Variants in CCDC171 observed in about 807,000 individuals in gnomAD.
CCDC171 encodes the protein coiled-coil domain containing 171, also known as coiled-coil domain-containing protein 171.
In CCDC171, 177 loss-of-function variants were observed where a neutral mutation model predicts 168.2. The ratio of observed to expected loss-of-function variants is 1.05; its 90% CI spans 0.93 to 1.19. CCDC171 has a LOEUF of 1.19. CCDC171 is among the 50% of genes most tolerant of loss of function. The pLI, the probability that CCDC171 is intolerant of heterozygous loss-of-function variation, is 0.00. For missense variants in CCDC171, 1,991 were observed against 1,539.0 expected (o/e 1.29, Z -4.91); for synonymous variants, 687 against 540.8 (o/e 1.27, Z -3.75).
chr9:15,809,814 G>C (rs1049756051), intron 21 of CCDC171, among the ~76,000 whole-genome samples: 1 of 152,178 alleles, frequency 6.6e-6, no homozygotes, highest in African/African-American at 2.4e-5. Context: ...GGACCCGAAC[G>C]GGTTGCCACT....
intron 18 of CCDC171, among the ~76,000 whole-genome samples, chr9:15,767,149 C>A (rs1360020635): frequency 6.6e-6 from 1 of 152,184 alleles, no homozygotes; most frequent in Non-Finnish European, 1.5e-5. Flanking sequence ...CAAATTGTCA[C>A]AATCTGTGGC....
intron 3 of CCDC171, among the ~76,000 whole-genome samples, chr9:16,014,155 A>T (rs1392128603): frequency 6.6e-6 from 1 of 152,226 alleles, no homozygotes; most frequent in Non-Finnish European, 1.5e-5. Flanking sequence ...AATTAAGTTT[A>T]TGCAATATTC....
chr9:16,015,170 T>A (rs1344964750), intron 3 of CCDC171, among the ~76,000 whole-genome samples: 2 of 152,158 alleles, frequency 1.3e-5, no homozygotes, highest in African/African-American at 4.8e-5. Context: ...TTTAGCTAGA[T>A]CCTCTGGATA....
intron 25 of CCDC171, among the ~76,000 whole-genome samples, chr9:15,937,590 A>G (rs1827252234): frequency 6.6e-6 from 1 of 151,990 alleles, no homozygotes; most frequent in Non-Finnish European, 1.5e-5. Flanking sequence ...TTTAAAGTAG[A>G]CATTATTTTA....
At chr9:15,562,345 G>C (rs2132523585) in intron 1 of CCDC171, among the ~76,000 whole-genome samples, 1 of 152,160 alleles carries the variant, frequency 6.6e-6, no homozygotes, top group African/African-American at 2.4e-5. Context: ...AGTCTGCTAA[G>C]ATAAAAGTCT....
chr9:15,934,257 G>A (rs1826848130), intron 25 of CCDC171, among the ~76,000 whole-genome samples: 1 of 151,486 alleles, frequency 6.6e-6, no homozygotes, highest in Admixed American at 6.6e-5. Flanking sequence ...GGGCGTGTTG[G>A]CATGTGCTTG....
intron 3 of CCDC171, among the ~76,000 whole-genome samples, chr9:15,995,242 T>A (rs1832335961): frequency 2.6e-5 from 4 of 152,224 alleles, no homozygotes; most frequent in Admixed American, 1.3e-4. Context: ...ACAGGATTAA[T>A]GAGAATTTCA....
chr9:16,091,434 C>T, the CCDC171 span, among the ~76,000 whole-genome samples: 1 of 152,196 alleles, frequency 6.6e-6, no homozygotes, highest in Non-Finnish European at 1.5e-5. Flanking sequence ...GCCATACATG[C>T]TGAAGTCATG....
chr9:15,711,967 G>T (rs2052701739), intron 11 of CCDC171, among the ~76,000 whole-genome samples: 1 of 152,164 alleles, frequency 6.6e-6, no homozygotes, highest in Non-Finnish European at 1.5e-5. Flanking sequence ...ATTCCAGGAG[G>T]GTCTATTATC....
chr9:15,606,838 G>GC (rs2131758140), intron 6 of CCDC171, among the ~76,000 whole-genome samples: 1 of 152,218 alleles, frequency 6.6e-6, no homozygotes, highest in African/African-American at 2.4e-5. Flanking sequence ...AAGTTCAACA[G>GC]CCCCCTCTAG....
intron 9 of CCDC171, among the ~76,000 whole-genome samples, chr9:15,669,141 CAG>C (rs2048932788): frequency 6.6e-6 from 1 of 152,064 alleles, no homozygotes; most frequent in South Asian, 2.1e-4. Context: ...GTGTATATTG[CAG>C]AGTTATAGTT....
chr9:15,671,336 T>C (rs1243048561), intron 9 of CCDC171, among the ~76,000 whole-genome samples: 1 of 152,102 alleles, frequency 6.6e-6, no homozygotes, highest in Non-Finnish European at 1.5e-5. Context: ...AAAAGTTTTT[T>C]TTTTAAATTT....
chr9:15,648,016 G>A (rs1180363408), intron 7 of CCDC171, among the ~76,000 whole-genome samples: 20 of 152,260 alleles, frequency 1.3e-4, no homozygotes, highest in South Asian at 8.3e-4. Context: ...CTGGCAAACC[G>A]AATCCAGCAG....
chr9:16,066,752 A>T, the CCDC171 span, among the ~76,000 whole-genome samples: 7 of 149,804 alleles, frequency 4.7e-5, no homozygotes, highest in African/African-American at 1.7e-4. Flanking sequence ...GAGAATGATG[A>T]TTTCCAATTT....
chr9:15,986,372 C>T (rs189923175), intron 3 of CCDC171, among the ~76,000 whole-genome samples: 109 of 152,276 alleles, frequency 7.2e-4, no homozygotes, highest in African/African-American at 2.6e-3. Flanking sequence ...CTGCAATCAC[C>T]TTCAGAAAGG....
chr9:15,603,026 G>T (rs2042975221), intron 6 of CCDC171, among the ~76,000 whole-genome samples: 1 of 151,908 alleles, frequency 6.6e-6, no homozygotes, highest in Non-Finnish European at 1.5e-5. Flanking sequence ...CTGTCACCCA[G>T]ATTGGAGTGC....
chr9:15,975,051 G>A (rs948389255), downstream of CCDC171, among the ~76,000 whole-genome samples: 17 of 152,058 alleles, frequency 1.1e-4, no homozygotes, highest in Admixed American at 9.8e-4. Flanking sequence ...CTACAGATGC[G>A]TACCACTGTG....
downstream of CCDC171, among the ~76,000 whole-genome samples, chr9:16,062,912 A>G (rs925859088): frequency 6.6e-6 from 1 of 152,184 alleles, no homozygotes; most frequent in Non-Finnish European, 1.5e-5. Flanking sequence ...CACTAGAGAC[A>G]TGTGCTCGGT....
chr9:15,662,092 C>G (rs148746015), intron 8 of CCDC171, among the ~76,000 whole-genome samples: 2 of 152,268 alleles, frequency 1.3e-5, no homozygotes, highest in African/African-American at 2.4e-5. Context: ...GTCTGGCCAA[C>G]GTGGCGAAAC....
Sources: gnomAD v4.1 joint callset for allele counts (sites outside exome capture counted in the v4.1 genomes callset) on GRCh38, gnomAD v4.1.1 for gene constraint, MANE v1.5 for transcripts, NCBI Gene and HGNC (gene_info 2026-07-23, HGNC 2026-07-21) for gene names.